INPP4B: variants seen among roughly 807,000 people sequenced by gnomAD.
The protein encoded by INPP4B is inositol polyphosphate 4-phosphatase type II.
INPP4B carries 55 observed loss-of-function variants against 122.5 expected under a neutral mutation model. The ratio of observed to expected loss-of-function variants is 0.45; its 90% CI spans 0.36 to 0.56. The LOEUF (loss-of-function observed/expected upper bound fraction) is 0.56. INPP4B is among the 20% of genes least tolerant of loss of function. The pLI is 0.00. For missense variants in INPP4B, 1,000 were observed against 1,097.7 expected, an observed-to-expected ratio of 0.91 and a Z score of 1.26; for synonymous variants, 403 against 388.7, an observed-to-expected ratio of 1.04 and a Z score of -0.43.
intron 2 of INPP4B, among the ~76,000 whole-genome samples, chr4:142,504,063 A>T (rs866028338): frequency 4.6e-5 from 7 of 152,100 alleles, no homozygotes; most frequent in African/African-American, 7.2e-5. Context: ...CATCTATTTG[A>T]TTACATGGTA....
intron 15 of INPP4B, among the ~76,000 whole-genome samples, chr4:142,191,480 C>G (rs965662891): frequency 1.3e-5 from 2 of 152,184 alleles, no homozygotes; most frequent in African/African-American, 4.8e-5. Flanking sequence ...GGGCAAAACC[C>G]TGTCTTCCAC....
At chr4:142,394,512 T>C (rs1274490716) in intron 7 of INPP4B, among the ~76,000 whole-genome samples, 1 of 152,204 alleles carries the variant, frequency 6.6e-6, no homozygotes, top group African/African-American at 2.4e-5. Context: ...ATAGCCATTC[T>C]AACAAGTGTG....
intron 3 of INPP4B, among the ~76,000 whole-genome samples, chr4:142,461,268 TAA>T (rs899846407): frequency 1.3e-5 from 2 of 152,220 alleles, no homozygotes; most frequent in African/African-American, 4.8e-5. Flanking sequence ...TGCCTTACTT[TAA>T]GACTTTTTCA....
At chr4:142,221,389 C>CAAAAAAAAAAAAAAA (rs570703001) in intron 12 of INPP4B, among the ~76,000 whole-genome samples, 1 of 28,554 alleles carries the variant, frequency 3.5e-5, no homozygotes, top group Non-Finnish European at 6.1e-5. Context: ...GACTCCTTCT[C>CAAAAAAAAAAAAAAA]AAAAAAAAAA....
At chr4:142,568,893 T>C (rs559069039) in intron 2 of INPP4B, among the ~76,000 whole-genome samples, 11 of 152,242 alleles carry the variant, frequency 7.2e-5, no homozygotes, top group Non-Finnish European at 1.2e-4. Flanking sequence ...TGGAACAAAT[T>C]AGTATGGTAA....
intron 2 of INPP4B, among the ~76,000 whole-genome samples, chr4:142,470,359 C>A (rs1364742182): frequency 6.6e-6 from 1 of 152,068 alleles, no homozygotes; most frequent in African/African-American, 2.4e-5. Flanking sequence ...AAGGAAATAA[C>A]CATTATAAAC....
At chr4:142,105,396 A>G (rs1786511145) in intron 23 of INPP4B, among the ~76,000 whole-genome samples, 1 of 152,178 alleles carries the variant, frequency 6.6e-6, no homozygotes, top group Admixed American at 6.6e-5. Flanking sequence ...TAGTTACTGA[A>G]ATAAAACTAT....
At chr4:142,318,991 C>T (rs1561841167) in intron 7 of INPP4B, among the ~76,000 whole-genome samples, 1 of 152,188 alleles carries the variant, frequency 6.6e-6, no homozygotes, top group Non-Finnish European at 1.5e-5. Flanking sequence ...ATGGGTATTG[C>T]TGTCCTGAGG....
intron 25 of INPP4B, among the ~76,000 whole-genome samples, chr4:142,071,644 AAATC>A (rs1346528667): frequency 6.6e-6 from 1 of 152,216 alleles, no homozygotes; most frequent in Non-Finnish European, 1.5e-5. Flanking sequence ...TTACAAGAAA[AAATC>A]AAACAACCCC....
At chr4:142,650,912 A>C (rs1273118219) in intron 2 of INPP4B, among the ~76,000 whole-genome samples, 1 of 152,192 alleles carries the variant, frequency 6.6e-6, no homozygotes, top group Non-Finnish European at 1.5e-5. Context: ...AATCAACAGA[A>C]TATGCATTCT....
At chr4:142,635,466 A>G (rs1748929659) in intron 2 of INPP4B, among the ~76,000 whole-genome samples, 1 of 152,224 alleles carries the variant, frequency 6.6e-6, no homozygotes, top group African/African-American at 2.4e-5. Context: ...CTAAATGCCC[A>G]TCAATGACAG....
chr4:142,652,885 A>T (rs541989832), intron 2 of INPP4B, among the ~76,000 whole-genome samples: 5 of 152,356 alleles, frequency 3.3e-5, no homozygotes, highest in African/African-American at 1.2e-4. Context: ...ATGGAACCAA[A>T]AAAGAGCCTG....
At chr4:142,589,441 T>A (rs896394583) in intron 2 of INPP4B, among the ~76,000 whole-genome samples, 3 of 151,506 alleles carry the variant, frequency 2.0e-5, no homozygotes, top group African/African-American at 7.3e-5. Context: ...AAGTCAAGAG[T>A]AAGAAATTTT....
chr4:142,471,064 T>C (rs1193705938), intron 2 of INPP4B, among the ~76,000 whole-genome samples: 1 of 152,192 alleles, frequency 6.6e-6, no homozygotes, highest in African/African-American at 2.4e-5. Flanking sequence ...CTATGGTTTG[T>C]GTAGCAGGTA....
At chr4:142,143,444 C>CTTTTTTTTTTTTTAA (rs1808913578) in intron 18 of INPP4B, among the ~76,000 whole-genome samples, 1 of 151,938 alleles carries the variant, frequency 6.6e-6, no homozygotes, top group Non-Finnish European at 1.5e-5. Flanking sequence ...TATGAATCTG[C>CTTTTTTTTTTTTTAA]CTTTTTATGA....
chr4:142,488,855 C>A (rs1005962401), intron 2 of INPP4B, among the ~76,000 whole-genome samples: 2 of 151,328 alleles, frequency 1.3e-5, no homozygotes, highest in Non-Finnish European at 2.9e-5. Context: ...TTCACTTTTT[C>A]TATTTGATTA....
intron 14 of INPP4B, among the ~76,000 whole-genome samples, chr4:142,202,529 T>C (rs545972232): frequency 2.8e-4 from 43 of 152,196 alleles, no homozygotes; most frequent in African/African-American, 1.0e-3. Flanking sequence ...TCTCACATTC[T>C]TGAGATACAG....
At chr4:142,706,397 T>TATCA (rs1343221130) in intron 2 of INPP4B, among the ~76,000 whole-genome samples, 1 of 152,222 alleles carries the variant, frequency 6.6e-6, no homozygotes, top group Non-Finnish European at 1.5e-5. Context: ...TGAGAAACTA[T>TATCA]ATCAATCAAT....
intron 7 of INPP4B, among the ~76,000 whole-genome samples, chr4:142,361,917 C>A (rs758325052): frequency 1.3e-5 from 2 of 151,950 alleles, no homozygotes; most frequent in Non-Finnish European, 2.9e-5. Flanking sequence ...TTTGCTTAAA[C>A]AATCACTCTT....
Sources: gnomAD v4.1 joint callset for allele counts (sites outside exome capture counted in the v4.1 genomes callset) on GRCh38, gnomAD v4.1.1 for gene constraint, MANE v1.5 for transcripts, NCBI Gene and HGNC (gene_info 2026-07-23, HGNC 2026-07-21) for gene names.